SCG5: variants seen among roughly 807,000 people sequenced by gnomAD.
The protein encoded by SCG5 is neuroendocrine protein 7B2.
In SCG5, 18 loss-of-function variants were observed where a neutral mutation model predicts 25.7. The ratio of observed to expected loss-of-function variants is 0.70; its 90% confidence interval spans 0.48 to 1.04. The LOEUF is 1.04. Ranked by LOEUF, SCG5 falls within the 50% of genes least tolerant of loss-of-function variation. The probability of loss-of-function intolerance (pLI) is 0.00; values close to 1 mark genes in which losing one functional copy is unlikely to be tolerated. For synonymous variants in SCG5, 101 were observed against 91.7 expected (o/e 1.10, Z -0.58); for missense variants, 206 against 259.8 (o/e 0.79, Z 1.42).
In SCG5 at chr15:32,691,224, G is replaced by C. The variant is rs1000509456; in HGVS notation, c.490-486G>C. On this transcript the variant is annotated intron_variant, in intron 4 of 5. Coordinates refer to ENST00000300175, the MANE Select transcript of SCG5 (RefSeq NM_001144757.3). ...GACCAAATGGTTTTCCAATTGTCTT[G>C]ACTGGGGGCACTGACTTAACGCCAC... 3.3e-5 allele frequency among the ~76,000 whole-genome samples: 5 copies of C among 152,146 alleles called. No individual in the cohort carries two copies. In the East Asian group the frequency reaches 9.6e-4, roughly 29 times the overall value.
At chr15:32,672,552 T>C (rs150699524) in intron 2 of SCG5, among the ~76,000 whole-genome samples, 67 of 152,344 alleles carry the variant, frequency 4.4e-4, no homozygotes, top group African/African-American at 1.5e-3. Flanking sequence ...CAGTAGTCAC[T>C]GACACCGGAG....
intron 2 of SCG5, chr15:32,672,929 AAAAAGAGAC>A (rs888091013): frequency 2.0e-4 from 28 of 138,428 alleles, no homozygotes; most frequent in African/African-American, 7.6e-4. Flanking sequence ...AAAAAAAAAA[AAAAAGAGAC>A]AGAGTGACGA....
intron 2 of SCG5, chr15:32,669,033 G>A (rs938846114): frequency 6.6e-6 from 1 of 152,198 alleles, no homozygotes; most frequent in Non-Finnish European, 1.5e-5. Flanking sequence ...TATCCCTTGA[G>A]CTGGCACACC....
At chr15:32,680,151 T>C (rs1037784701) in intron 3 of SCG5, among the ~76,000 whole-genome samples, 3 of 151,650 alleles carry the variant, frequency 2.0e-5, no homozygotes, top group African/African-American at 4.8e-5. Context: ...TTTCTGTGTC[T>C]CCCCTTCTTT....
At chr15:32,688,725 G>A (rs1489022921) in intron 4 of SCG5, among the ~76,000 whole-genome samples, 3 of 152,114 alleles carry the variant, frequency 2.0e-5, no homozygotes, top group East Asian at 1.9e-4. Context: ...TTGGGAGGCC[G>A]AGGCAGGCGG....
chr15:32,691,117 C>T (rs941338825), intron 4 of SCG5, among the ~76,000 whole-genome samples: 2 of 152,100 alleles, frequency 1.3e-5, no homozygotes, highest in Admixed American at 1.3e-4. Context: ...AGAGCCCTGC[C>T]CCCCGACCCA....
chr15:32,692,268 C>T, intron 5 of SCG5: 1 of 987,260 alleles, frequency 1.0e-6, no homozygotes, highest in Non-Finnish European at 1.2e-6. Flanking sequence ...TTTTTCTTGG[C>T]CTAGCCAGAC....
intron 2 of SCG5, chr15:32,665,648 A>C (rs1002354535): frequency 2.0e-5 from 3 of 152,176 alleles, no homozygotes; most frequent in Admixed American, 1.3e-4. Flanking sequence ...TGTCATCCAG[A>C]GTTCATTTTG....
At chr15:32,657,845 G>A (rs1237575937) in intron 2 of SCG5, among the ~76,000 whole-genome samples, 1 of 152,172 alleles carries the variant, frequency 6.6e-6, no homozygotes, top group Non-Finnish European at 1.5e-5. Context: ...CCATAAACAT[G>A]CATCTAACTT....
At chr15:32,672,657 A>G (rs1156442920) in intron 2 of SCG5, among the ~76,000 whole-genome samples, 2 of 152,138 alleles carry the variant, frequency 1.3e-5, no homozygotes, top group East Asian at 3.9e-4. Flanking sequence ...CATCTTTGGA[A>G]GACGGAAACG....
At chr15:32,689,616 G>A (rs960419907) in intron 4 of SCG5, among the ~76,000 whole-genome samples, 6 of 152,162 alleles carry the variant, frequency 3.9e-5, no homozygotes, top group African/African-American at 9.7e-5. Flanking sequence ...AGGAATGGGC[G>A]TGAGGAGAGA....
At chr15:32,690,922 G>C (rs2054840413) in intron 4 of SCG5, among the ~76,000 whole-genome samples, 1 of 143,302 alleles carries the variant, frequency 7.0e-6, no homozygotes, top group African/African-American at 2.6e-5. Flanking sequence ...CACAAGTAAA[G>C]CCCCCCCCCA....
chr15:32,646,900 T>C (rs2053951534), intron 2 of SCG5, among the ~76,000 whole-genome samples: 1 of 152,232 alleles, frequency 6.6e-6, no homozygotes, highest in Admixed American at 6.5e-5. Flanking sequence ...TAGGATTTTA[T>C]TGTGAAGAAC....
chr15:32,696,157 G>C (rs755374278), intron 5 of SCG5, among the ~76,000 whole-genome samples: 1 of 150,932 alleles, frequency 6.6e-6, no homozygotes, highest in Non-Finnish European at 1.5e-5. Flanking sequence ...TTGCTCTGTC[G>C]CCCAGGCTGG....
intron 2 of SCG5, among the ~76,000 whole-genome samples, chr15:32,660,804 A>G (rs576896950): frequency 4.6e-5 from 7 of 152,342 alleles, no homozygotes; most frequent in East Asian, 1.9e-4. Flanking sequence ...TTGGTAATCA[A>G]TATTGTACAG....
rs112055931 is a variant in SCG5 at position 32,676,512 on chromosome 15, A to G, written c.227-3254A>G. Among the ~76,000 whole-genome samples, 9 of 152,356 alleles carry G rather than the reference A, an allele frequency of 5.9e-5. 1 individual carries two copies. Among genetic ancestry groups the G allele is most frequent in the African/African-American group, 1.7e-4 (7 of 41,592 alleles). ...CCAGAGAGCCTGCCCTATAGCAAGC[A>G]CAGTGGTGTCTATAGTGCCAACATT... On this transcript the variant is annotated intron_variant, in intron 2 of 5. Transcript: ENST00000300175.
rs189764948 is a variant in SCG5, at chr15:32,688,210, C to G, written c.490-3500C>G. ...AGTCCTACCGAGGGCTGGCTGCCTT[C>G]CAGACAATGTGTGTGACTACACCAG... On this transcript the variant is annotated intron_variant, in intron 4 of 5. Transcript: ENST00000300175. Among the ~76,000 whole-genome samples the G allele has an allele frequency of 5.0e-4, 76 of 152,318 alleles. 1 individual carries two copies. The highest frequency in any genetic ancestry group is 5.0e-3 in the Admixed American group (76 of 15,296).
intron 2 of SCG5, among the ~76,000 whole-genome samples, chr15:32,667,664 T>C (rs1210700160): frequency 1.5e-5 from 2 of 134,648 alleles, no homozygotes; most frequent in Non-Finnish European, 3.1e-5. Context: ...GTTTGGTTTG[T>C]TGTAGTTTTA....
At chr15:32,649,485 C>T (rs1201078509) in intron 2 of SCG5, among the ~76,000 whole-genome samples, 1 of 152,102 alleles carries the variant, frequency 6.6e-6, no homozygotes, top group Non-Finnish European at 1.5e-5. Flanking sequence ...CAGCGCCTAC[C>T]AAGGAGCTAG....
Sources: allele counts gnomAD v4.1 joint callset (sites outside exome capture counted in the v4.1 genomes callset), GRCh38; gene constraint gnomAD v4.1.1; transcripts MANE v1.5; gene names NCBI Gene and HGNC (gene_info 2026-07-23, HGNC 2026-07-21).